The following EXOC6B variants were observed in gnomAD, a reference collection of about 807,000 sequenced individuals.
EXOC6B encodes SEC15 homolog B.
EXOC6B carries 54 observed loss-of-function variants against 113.5 expected under a neutral mutation model. The ratio of observed to expected loss-of-function variants is 0.48; its 90% confidence interval spans 0.38 to 0.60. The LOEUF (loss-of-function observed/expected upper bound fraction) is 0.60, where lower values mean the gene tolerates loss of function less well. Among genes scored for constraint, EXOC6B ranks in the 20% least tolerant of loss-of-function variants. The pLI is 0.00. For synonymous variants in EXOC6B, 357 were observed against 339.0 expected, an observed-to-expected ratio of 1.05 and a Z score of -0.58; for missense variants, 797 against 977.5, an observed-to-expected ratio of 0.82 and a Z score of 2.46.
chr2:72,446,064 C>A (rs1168457821), intron 18 of EXOC6B, among the ~76,000 whole-genome samples: 1 of 152,070 alleles, frequency 6.6e-6, no homozygotes, highest in Non-Finnish European at 1.5e-5. Flanking sequence ...ATTAGTTCAA[C>A]TATTGTGGAA....
intron 19 of EXOC6B, among the ~76,000 whole-genome samples, chr2:72,346,373 T>G (rs1477116272): frequency 6.6e-6 from 1 of 152,184 alleles, no homozygotes; most frequent in African/African-American, 2.4e-5. Context: ...TCTAGGCACT[T>G]GCAGTGAGTG....
At chr2:72,555,941 C>T (rs186326167) in intron 8 of EXOC6B, among the ~76,000 whole-genome samples, 33 of 152,224 alleles carry the variant, frequency 2.2e-4, no homozygotes, top group Admixed American at 7.8e-4. Flanking sequence ...CCACTGCACC[C>T]GGCCTCAGGC....
chr2:72,571,554 A>G (rs1704512820), intron 7 of EXOC6B, among the ~76,000 whole-genome samples: 1 of 152,194 alleles, frequency 6.6e-6, no homozygotes, highest in African/African-American at 2.4e-5. Context: ...AAAAATAGAG[A>G]ACTTTACTAG....
intron 5 of EXOC6B, 107 bp downstream of exon 5, chr2:72,730,900 T>C: frequency 1.6e-6 from 1 of 631,948 alleles, no homozygotes. Flanking sequence ...GGTTAAGATG[T>C]TAGAAACTTA....
intron 6 of EXOC6B, among the ~76,000 whole-genome samples, chr2:72,682,443 C>G (rs545880110): frequency 2.0e-5 from 3 of 152,072 alleles, no homozygotes; most frequent in Non-Finnish European, 4.4e-5. Flanking sequence ...ATATTCTCTA[C>G]CTCCTTTTCT....
At chr2:72,237,572 A>G (rs1682043665) in intron 20 of EXOC6B, among the ~76,000 whole-genome samples, 1 of 152,208 alleles carries the variant, frequency 6.6e-6, no homozygotes, top group Non-Finnish European at 1.5e-5. Context: ...AAAGCATGCT[A>G]CACTTTGCTA....
intron 21 of EXOC6B, among the ~76,000 whole-genome samples, chr2:72,179,880 A>G (rs557985197): frequency 1.3e-5 from 2 of 152,282 alleles, no homozygotes; most frequent in East Asian, 3.9e-4. Flanking sequence ...GACCTTTGAG[A>G]TAATATTTGA....
At chr2:72,556,494 C>G (rs980184520) in intron 8 of EXOC6B, among the ~76,000 whole-genome samples, 28 of 152,032 alleles carry the variant, frequency 1.8e-4, no homozygotes, top group African/African-American at 6.8e-4. Context: ...TTTCTAGGAC[C>G]CTCAGTTCTT....
chr2:72,527,787 T>A (rs757182229), intron 8 of EXOC6B, among the ~76,000 whole-genome samples: 2 of 152,022 alleles, frequency 1.3e-5, no homozygotes, highest in African/African-American at 2.4e-5. Flanking sequence ...ATGTTGAGTA[T>A]CTTCTCATGT....
intron 8 of EXOC6B, among the ~76,000 whole-genome samples, chr2:72,551,900 T>G (rs762743730): frequency 4.6e-5 from 7 of 152,202 alleles, no homozygotes; most frequent in Non-Finnish European, 7.3e-5. Context: ...CCTGGTGTAA[T>G]GTAATCATAT....
At chr2:72,413,804 A>G (rs1187915395) in intron 18 of EXOC6B, among the ~76,000 whole-genome samples, 1 of 152,186 alleles carries the variant, frequency 6.6e-6, no homozygotes, top group Non-Finnish European at 1.5e-5. Context: ...AGCTGGGATT[A>G]CAGACTGTAT....
At chr2:72,405,980 T>C (rs1301676224) in intron 18 of EXOC6B, among the ~76,000 whole-genome samples, 2 of 152,086 alleles carry the variant, frequency 1.3e-5, no homozygotes, top group African/African-American at 2.4e-5. Context: ...GAGACACAGA[T>C]AGGCTCAAAA....
intron 6 of EXOC6B, among the ~76,000 whole-genome samples, chr2:72,629,636 CATT>C (rs1000780371): frequency 9.8e-5 from 15 of 152,322 alleles, no homozygotes; most frequent in African/African-American, 3.1e-4. Flanking sequence ...ACTCATCTAT[CATT>C]GTGCCTTATA....
At chr2:72,736,177 C>T (rs377298028) in intron 2 of EXOC6B, among the ~76,000 whole-genome samples, 1 of 150,454 alleles carries the variant, frequency 6.6e-6, no homozygotes, top group Non-Finnish European at 1.5e-5. Flanking sequence ...CGGAGCAACA[C>T]TCTGTCTCAA....
chr2:72,679,346 G>A (rs1256405498), intron 6 of EXOC6B, among the ~76,000 whole-genome samples: 1 of 152,136 alleles, frequency 6.6e-6, no homozygotes, highest in African/African-American at 2.4e-5. Context: ...AGGATTTACA[G>A]GCGTCAGCCA....
chr2:72,405,136 G>C (rs1295160528), intron 18 of EXOC6B, among the ~76,000 whole-genome samples: 1 of 151,510 alleles, frequency 6.6e-6, no homozygotes. Context: ...ATGAAATGAA[G>C]TGAGAAGTTT....
intron 6 of EXOC6B, among the ~76,000 whole-genome samples, chr2:72,580,298 T>C (rs1260682146): frequency 1.3e-5 from 2 of 151,696 alleles, no homozygotes; most frequent in Admixed American, 6.6e-5. Flanking sequence ...CGTGCCACCA[T>C]GCTCGGCTCT....
rs549717892 is a variant in EXOC6B at position 72,431,138 on chromosome 2, A to C, written c.1980+34022T>G. On this transcript the variant is annotated intron_variant, in intron 18 of 21. Transcript: ENST00000272427. ...TAATTTCATAGAGCACTAAGGCCCCAGTATCATTTTTAAGTATTATAATTT... is the reference window on the plus strand; with the variant it reads ...TAATTTCATAGAGCACTAAGGCCCCCGTATCATTTTTAAGTATTATAATTT... Among the ~76,000 whole-genome samples, 8 of 152,284 alleles carry C rather than the reference A, an allele frequency of 5.3e-5. 1 individual carries two copies. Among genetic ancestry groups the C allele is most frequent in the African/African-American group, 1.9e-4 (8 of 41,564 alleles).
At chr2:72,396,213 C>A (rs973702774) in intron 18 of EXOC6B, among the ~76,000 whole-genome samples, 2 of 152,098 alleles carry the variant, frequency 1.3e-5, no homozygotes, top group South Asian at 4.1e-4. Context: ...TCCCCACTCT[C>A]TTCTTCACTG....
Sources: allele counts gnomAD v4.1 joint callset (sites outside exome capture counted in the v4.1 genomes callset), GRCh38; gene constraint gnomAD v4.1.1; transcripts MANE v1.5; gene names NCBI Gene and HGNC (gene_info 2026-07-23, HGNC 2026-07-21).